TMCC3: variants seen among roughly 807,000 people sequenced by gnomAD.
The protein encoded by TMCC3 is transmembrane and coiled-coil domain protein 3.
Under a neutral mutation model 40.2 loss-of-function variants are expected in TMCC3, and 28 were observed. The observed-to-expected ratio is 0.70, with a 90% CI of 0.52 to 0.95. The LOEUF (loss-of-function observed/expected upper bound fraction) is 0.95, where lower values mean the gene tolerates loss of function less well. TMCC3 is among the 40% of genes least tolerant of loss of function. TMCC3 has a pLI of 0.00. For synonymous variants in TMCC3, 255 were observed against 248.5 expected (o/e 1.03, Z -0.25); for missense variants, 554 against 615.2 (o/e 0.90, Z 1.05).
intron 1 of TMCC3, among the ~76,000 whole-genome samples, chr12:94,593,856 T>TTGTACGTACTAATCTACGTAA (rs1387649847): frequency 6.6e-6 from 1 of 152,174 alleles, no homozygotes; most frequent in African/African-American, 2.4e-5. Flanking sequence ...TGGTAAAGAT[T>TTGTACGTACTAATCTACGTAA]TGTACGTACT....
At chr12:94,632,646 G>A (rs2068939580) in intron 1 of TMCC3, among the ~76,000 whole-genome samples, 1 of 152,118 alleles carries the variant, frequency 6.6e-6, no homozygotes, top group Non-Finnish European at 1.5e-5. Flanking sequence ...GTCACTTCCT[G>A]GTATCTCCCC....
In TMCC3 at chr12:94,581,753, G is replaced by T; in HGVS notation, c.864C>A (p.Ala288=). Residue 288 remains alanine (A), a synonymous_variant, in exon 2 of 4, where the codon GCC becomes GCA. Coordinates refer to ENST00000261226, the MANE Select transcript of TMCC3 (RefSeq NM_020698.4). ...TCTCCCTCAGTTCCTCCAGGATCAC[G>T]GCGAGCTTGCCCTGGCTGTCCAGTG... The part of the protein sequence containing the change: ...ASTLDSQGKL[A]VILEELREIK... The T allele has an allele frequency of 6.2e-7, 1 of 1,614,158 alleles. No individual in the cohort carries two copies.
At chr12:94,644,222 C>T (rs1440528086) in intron 1 of TMCC3, among the ~76,000 whole-genome samples, 1 of 152,198 alleles carries the variant, frequency 6.6e-6, no homozygotes, top group African/African-American at 2.4e-5. Context: ...GAAAAGTCCT[C>T]ATTCTGATTC....
At chr12:94,589,532 T>TTAAA (rs2138835072) in intron 1 of TMCC3, among the ~76,000 whole-genome samples, 2 of 152,340 alleles carry the variant, frequency 1.3e-5, no homozygotes, top group South Asian at 4.1e-4. Flanking sequence ...TAGTGACATG[T>TTAAA]GTAGTACCTT....
At chr12:94,613,258 T>C (rs148683173) in intron 1 of TMCC3, among the ~76,000 whole-genome samples, 2 of 151,638 alleles carry the variant, frequency 1.3e-5, no homozygotes, top group Non-Finnish European at 2.9e-5. Context: ...AAGCCCAGAG[T>C]TCGAGATCAA....
In TMCC3 at chr12:94,569,161, G is replaced by A. The variant is rs1300097253; in HGVS notation, c.*2274C>T. The A allele has an allele frequency of 6.6e-6, 1 of 152,236 alleles. No individual in the cohort carries two copies. Among genetic ancestry groups the A allele is most frequent in the Non-Finnish European group, 1.5e-5 (1 of 68,082 alleles). The allele number at this position is 152,236 out of a possible 1,614,324, so 9.4% of individuals were successfully genotyped here. A position where few individuals can be genotyped will look rare whatever the true frequency, so the allele number is the denominator to read the frequency against. ...ACATCTCTCCTTCTCTAAACTAACA[G>A]CAGCACTCAATCCCTGGTGTGTCCG... On this transcript the variant is annotated 3_prime_UTR_variant, in exon 4 of 4. Transcript: ENST00000261226.
chr12:94,595,011 G>A (rs7967301), intron 1 of TMCC3, among the ~76,000 whole-genome samples: 56,115 of 151,972 alleles, frequency 0.37, 10,570 homozygotes, highest in Admixed American at 0.44. Flanking sequence ...TCCTAGATAA[G>A]TAAGTGAATA....
At chr12:94,578,280 T>C in intron 3 of TMCC3, 114 bp downstream of exon 3, 1 of 1,288,532 alleles carries the variant, frequency 7.8e-7, no homozygotes, top group East Asian at 2.3e-5. Flanking sequence ...GAGAAAACAT[T>C]TTGTGCCATG....
intron 1 of TMCC3, among the ~76,000 whole-genome samples, chr12:94,628,717 G>T (rs950380117): frequency 3.0e-4 from 46 of 152,214 alleles, no homozygotes; most frequent in Admixed American, 3.3e-4. Flanking sequence ...TCATCCTCAT[G>T]CTAAGTCCCT....
chr12:94,574,440 T>C (rs2068552282), intron 3 of TMCC3, among the ~76,000 whole-genome samples: 1 of 151,310 alleles, frequency 6.6e-6, no homozygotes, highest in Admixed American at 6.6e-5. Flanking sequence ...CCTTCAGGCC[T>C]GCTGGGTGAA....
At chr12:94,645,358 CCT>C (rs1246470911) in intron 1 of TMCC3, among the ~76,000 whole-genome samples, 1 of 152,026 alleles carries the variant, frequency 6.6e-6, no homozygotes, top group Non-Finnish European at 1.5e-5. Context: ...CTCACAAATC[CCT>C]CTTTCATATA....
chr12:94,645,087 G>A (rs1277039142), intron 1 of TMCC3, among the ~76,000 whole-genome samples: 3 of 152,128 alleles, frequency 2.0e-5, no homozygotes, highest in Admixed American at 2.0e-4. Flanking sequence ...TTTCCACAGA[G>A]ACCAGACTGT....
intron 1 of TMCC3, among the ~76,000 whole-genome samples, chr12:94,594,198 A>AATATATATATATATAT (rs59083165): frequency 3.7e-4 from 54 of 145,474 alleles, no homozygotes; most frequent in African/African-American, 1.4e-3. Flanking sequence ...TTTAAATTTA[A>AATATATATATATATAT]ATATATATAT....
chr12:94,610,665 T>C lies in TMCC3; in HGVS notation c.79-28127A>G, dbSNP rs574347644. Among the ~76,000 whole-genome samples, 44 of 152,184 alleles carry C rather than the reference T, an allele frequency of 2.9e-4. 1 individual carries two copies. Among genetic ancestry groups the C allele is most frequent in the African/African-American group, 1.1e-3 (44 of 41,506 alleles). On this transcript the variant is annotated intron_variant, in intron 1 of 3. Transcript: ENST00000261226. ...TTTAAAATTCTAGTACAATGGGAAA[T>C]GATGCAGCCACTAAAATGGAAACGG... is the stretch of plus-strand genomic sequence containing the variant.
chr12:94,611,889 A>G (rs1261832558), intron 1 of TMCC3, among the ~76,000 whole-genome samples: 1 of 152,198 alleles, frequency 6.6e-6, no homozygotes. Context: ...GGCCAACTGT[A>G]TATCCATTCA....
At chr12:94,649,231 C>T (rs1254951867) in intron 1 of TMCC3, among the ~76,000 whole-genome samples, 1 of 152,204 alleles carries the variant, frequency 6.6e-6, no homozygotes, top group African/African-American at 2.4e-5. Context: ...TGCTTCACTT[C>T]TGGGGCAATC....
rs200170998 is a variant in TMCC3 at position 94,581,798 on chromosome 12, A to T, written c.819T>A (p.Phe273Leu). 4 of 1,614,134 alleles carry T rather than the reference A, an allele frequency of 2.5e-6. No homozygotes were observed. The East Asian group carries it at 6.7e-5, about 27-fold the overall frequency. Residue 273 changes from phenylalanine to leucine, a missense_variant, in exon 2 of 4, where the codon TTT becomes TTA. Phe to Leu is a conservative substitution (Grantham distance 22, BLOSUM62 0). Transcript: ENST00000261226. ...CCAGTGTGCTGGCTCCACCAGCCCC[A>T]AACGACTGGTTTCCGTTACTGTCGG... Reference protein sequence around the residue: ...GSADSNGNQSFGAGGASTLDS... With the variant: ...GSADSNGNQSLGAGGASTLDS...
At chr12:94,606,817 T>G (rs907924434) in intron 1 of TMCC3, among the ~76,000 whole-genome samples, 8 of 152,102 alleles carry the variant, frequency 5.3e-5, no homozygotes, top group Non-Finnish European at 7.4e-5. Flanking sequence ...GCAATAAAGA[T>G]CACAAGACAA....
At chr12:94,606,282 T>C (rs1459055428) in intron 1 of TMCC3, among the ~76,000 whole-genome samples, 1 of 152,164 alleles carries the variant, frequency 6.6e-6, no homozygotes, top group South Asian at 2.1e-4. Flanking sequence ...AAGGGTAAAA[T>C]GCCCAAGAGG....
Sources: gnomAD v4.1 joint callset for allele counts (sites outside exome capture counted in the v4.1 genomes callset) on GRCh38, gnomAD v4.1.1 for gene constraint, MANE v1.5 for transcripts, NCBI Gene and HGNC (gene_info 2026-07-23, HGNC 2026-07-21) for gene names.